Variants in CIPC observed in about 807,000 individuals in gnomAD.
CIPC encodes the protein CLOCK-interacting pacemaker.
In CIPC, 12 loss-of-function variants were observed where a neutral mutation model predicts 26.7. The ratio of observed to expected loss-of-function variants is 0.45; its 90% CI spans 0.29 to 0.73. The LOEUF is 0.73. Ranked by LOEUF, CIPC falls within the 30% of genes least tolerant of loss-of-function variation. CIPC has a pLI of 0.12. For synonymous variants in CIPC, 170 were observed against 189.8 expected (o/e 0.90, Z 0.86); for missense variants, 417 against 486.5 (o/e 0.86, Z 1.34).
In CIPC at chr14:77,113,922, A is replaced by G; in HGVS notation, c.804A>G (p.Ala268=). 1 of 1,614,184 alleles carries G rather than the reference A, an allele frequency of 6.2e-7. No homozygotes were observed. The highest frequency in any genetic ancestry group is 8.5e-7 in the Non-Finnish European group (1 of 1,180,040). Residue 268 remains alanine (A), a synonymous_variant, in exon 4 of 4, where the codon GCA becomes GCG. Coordinates refer to ENST00000361786, the MANE Select transcript of CIPC (RefSeq NM_033426.3). ...CTTCCCCCGCCAGTCCTGTCTGCGC[A>G]TCAGACAGCACTCTCCATGGGTTAG... ...TFASPASPVC[A]SDSTLHGLES...
At chr14:77,108,390 G>A (rs541495800) in intron 2 of CIPC, among the ~76,000 whole-genome samples, 30 of 152,170 alleles carry the variant, frequency 2.0e-4, no homozygotes, top group Admixed American at 4.6e-4. Context: ...TTACATTGGC[G>A]GTTTAAAAGT....
rs879428186 is a variant in CIPC, at chr14:77,107,626, TTACAC to T, written c.136+1783_136+1787del. On this transcript the variant is annotated intron_variant, in intron 2 of 3. Coordinates refer to ENST00000361786, the MANE Select transcript of CIPC (RefSeq NM_033426.3). The stretch of plus-strand genomic sequence containing the variant: ...ATATGCTTTCTCTCTCTCGCTCTCT[TTACAC>T]ACACACACACACACACACACACACA... Among the ~76,000 whole-genome samples, 50 of 93,850 alleles carry T rather than the reference TTACAC, an allele frequency of 5.3e-4. 1 individual carries two copies. Among genetic ancestry groups the T allele is most frequent in the African/African-American group, 1.7e-3 (46 of 26,438 alleles). The allele number at this position is 93,850 out of a possible 152,430, so 61.6% of individuals were successfully genotyped here.
Position 77,116,643 on chromosome 14 carries a change from T to C in CIPC, c.*2325T>C, listed in dbSNP as rs1886817738. The stretch of plus-strand genomic sequence containing the variant: ...AGAAGCAGCACCACTCTCAGCTCTT[T>C]TCTAATCTTGTAACTTAGTGCTAGA... On this transcript the variant is annotated 3_prime_UTR_variant, in exon 4 of 4. Transcript: ENST00000361786. 6.6e-6 allele frequency: 1 copy of C among 152,230 alleles called. No homozygotes were observed. Among genetic ancestry groups the C allele is most frequent in the Non-Finnish European group, 1.5e-5 (1 of 68,044 alleles). 9.4% of individuals were successfully genotyped at this position (152,230 alleles called of 1,614,324 possible). A position where few individuals can be genotyped will look rare whatever the true frequency, so the allele number is the denominator to read the frequency against.
chr14:77,109,896 G>C lies in CIPC; in HGVS notation c.221G>C (p.Arg74Thr). The C allele has an allele frequency of 6.2e-7, 1 of 1,614,216 alleles. No individual in the cohort carries two copies. The highest frequency in any genetic ancestry group is 8.5e-7 in the Non-Finnish European group (1 of 1,180,032). Residue 74 changes from arginine (R) to threonine (T), a missense_variant, in exon 3 of 4, where the codon AGG (arginine) becomes ACG (threonine). Arg to Thr is a moderately conservative substitution (Grantham distance 71, BLOSUM62 -1). Coordinates refer to ENST00000361786, the MANE Select transcript of CIPC (RefSeq NM_033426.3). ...LSALGWSRED[R>T]PRQNSKTAKN... ...GCCTTAGGCTGGAGCAGAGAAGACA[G>C]GCCGAGGCAGAACTCCAAAACTGCA...
chr14:77,109,997 A>G lies in CIPC; in HGVS notation c.306+16A>G. 6.2e-7 allele frequency: 1 copy of G among 1,611,466 alleles called. No homozygotes were observed. Among genetic ancestry groups the G allele is most frequent in the East Asian group, 2.2e-5 (1 of 44,874 alleles). ...TGTCAAACAGGTGAGGAGGACTAAT[A>G]TCACCTAAAGTCTTTGCAAATAAAA... is the stretch of plus-strand genomic sequence containing the variant. On this transcript the variant is annotated intron_variant, in intron 3 of 3. Transcript: ENST00000361786.
chr14:77,105,213 C>T (rs1053054471), intron 1 of CIPC, among the ~76,000 whole-genome samples: 2 of 152,120 alleles, frequency 1.3e-5, no homozygotes, highest in Admixed American at 6.5e-5. Context: ...CAAATGTACA[C>T]GAGGAAAGCA....
chr14:77,105,410 A>T (rs17105325), intron 1 of CIPC, among the ~76,000 whole-genome samples: 4,487 of 152,316 alleles, frequency 0.029, 206 homozygotes, highest in African/African-American at 0.096. Context: ...TTACAAAGCG[A>T]ATGCTGAATG....
At position 77,110,036 on chromosome 14, in the gene CIPC, C is replaced by T. The variant is rs190464150; in HGVS notation, c.306+55C>T. 59 of 1,547,498 alleles carry T rather than the reference C, an allele frequency of 3.8e-5. 1 individual carries two copies. In the East Asian group the frequency reaches 7.9e-4, roughly 21 times the overall value. Reference sequence around the variant, plus strand: ...TTGCAAATAAAAATCTCTTAGCTTCCGTGTATAAAGGAAGAGATTTATATT... The same window carrying T: ...TTGCAAATAAAAATCTCTTAGCTTCTGTGTATAAAGGAAGAGATTTATATT... On this transcript the variant is annotated intron_variant, in intron 3 of 3. Coordinates refer to ENST00000361786, the MANE Select transcript of CIPC (RefSeq NM_033426.3).
intron 3 of CIPC, 35 bp from the exon 4 acceptor site, chr14:77,113,390 A>G (rs768651878): frequency 6.2e-7 from 1 of 1,611,314 alleles, no homozygotes; most frequent in South Asian, 1.1e-5. Flanking sequence ...TTCAGCAGTA[A>G]TGAGTAGTGT....
Position 77,117,174 on chromosome 14 carries a change from CT to C in CIPC, c.*2859del, listed in dbSNP as rs1886828038. ...TGAAGTGGTTTTTCAGCTATGAATT[CT>C]TTAGGGTAGAAATTTATTTAGCAAA... On this transcript the variant is annotated 3_prime_UTR_variant, in exon 4 of 4. Coordinates refer to ENST00000361786, the MANE Select transcript of CIPC (RefSeq NM_033426.3). 1 of 152,446 alleles carries C rather than the reference CT, an allele frequency of 6.6e-6. No individual in the cohort carries two copies. 9.4% of individuals were successfully genotyped at this position (152,446 alleles called of 1,614,324 possible). A position where few individuals can be genotyped will look rare whatever the true frequency, so the allele number is the denominator to read the frequency against.
At chr14:77,098,426 C>G (rs1886405063) in intron 1 of CIPC, 65 bp downstream of exon 1, 1 of 152,556 alleles carries the variant, frequency 6.6e-6, no homozygotes, top group African/African-American at 2.4e-5. Context: ...AGGGATTGGG[C>G]GAGGAGCGTG....
At chr14:77,112,757 C>T (rs1438454887) in intron 3 of CIPC, among the ~76,000 whole-genome samples, 2 of 151,842 alleles carry the variant, frequency 1.3e-5, no homozygotes, top group African/African-American at 4.8e-5. Context: ...GTCACTCAGG[C>T]TGGAGTGCAG....
intron 1 of CIPC, among the ~76,000 whole-genome samples, chr14:77,102,341 TG>T (rs1566803815): frequency 6.6e-6 from 1 of 152,186 alleles, no homozygotes; most frequent in Non-Finnish European, 1.5e-5. Context: ...CACTCCAGCC[TG>T]GGCGACAGAG....
rs576801760 is a variant in CIPC at position 77,101,788 on chromosome 14, A to C, written c.-53+3427A>C. Among the ~76,000 whole-genome samples, 7 of 152,260 alleles carry C rather than the reference A, an allele frequency of 4.6e-5. 2 individuals carry two copies. The highest frequency in any genetic ancestry group is 1.7e-4 in the African/African-American group (7 of 41,538). ...CGGCTGTGTAGAAATATGATTGGAC[A>C]AAAAGGGTATGATCTGGCTGGGCAT... On this transcript the variant is annotated intron_variant, in intron 1 of 3. Transcript: ENST00000361786.
At chr14:77,104,106 A>G (rs868825642) in intron 1 of CIPC, among the ~76,000 whole-genome samples, 39 of 152,170 alleles carry the variant, frequency 2.6e-4, no homozygotes, top group Middle Eastern at 3.2e-3. Context: ...TACACTTGTA[A>G]TCCCAGCACT....
chr14:77,114,345 G>C lies in CIPC; in HGVS notation c.*27G>C, dbSNP rs1479333233. On this transcript the variant is annotated 3_prime_UTR_variant, in exon 4 of 4. Coordinates refer to ENST00000361786, the MANE Select transcript of CIPC (RefSeq NM_033426.3). Reference sequence around the variant, plus strand: ...ACAGAGGCATATTTTCCTGTTACTTGAGTGGTTCTTTTAGCTCATTTGCTG... The same window carrying C: ...ACAGAGGCATATTTTCCTGTTACTTCAGTGGTTCTTTTAGCTCATTTGCTG... The C allele has an allele frequency of 1.3e-6, 2 of 1,557,958 alleles. No homozygotes were observed. The highest frequency in any genetic ancestry group is 2.4e-5 in the South Asian group (2 of 82,724).
At chr14:77,110,645 C>G (rs1381113120) in intron 3 of CIPC, among the ~76,000 whole-genome samples, 1 of 152,088 alleles carries the variant, frequency 6.6e-6, no homozygotes, top group Non-Finnish European at 1.5e-5. Context: ...AAGTTAAGCT[C>G]TAGTGTTTGA....
rs1002875250 is a variant in CIPC at position 77,115,651 on chromosome 14, A to G, written c.*1333A>G. ...CTTGAAAATCTTTGTTCTTTACAAA[A>G]TTATCTTAATAAGTTCTATATGGTC... On this transcript the variant is annotated 3_prime_UTR_variant, in exon 4 of 4. Transcript: ENST00000361786. The G allele has an allele frequency of 1.8e-4, 27 of 150,826 alleles. No homozygotes were observed. Among genetic ancestry groups the G allele is most frequent in the Admixed American group, 1.5e-3 (23 of 15,162 alleles). The allele number at this position is 150,826 out of a possible 1,614,324, so 9.3% of individuals were successfully genotyped here.
At position 77,116,673 on chromosome 14, in the gene CIPC, T is replaced by C. The variant is rs1886817997; in HGVS notation, c.*2355T>C. On this transcript the variant is annotated 3_prime_UTR_variant, in exon 4 of 4. Transcript: ENST00000361786. ...ATCTTGTAACTTAGTGCTAGAAGTC[T>C]CTCCAGGCTATTACCATGGGCATTT... 6.6e-6 allele frequency: 1 copy of C among 152,176 alleles called. No homozygotes were observed. The highest frequency in any genetic ancestry group is 6.5e-5 in the Admixed American group (1 of 15,278). 9.4% of individuals were successfully genotyped at this position (152,176 alleles called of 1,614,324 possible). A position where few individuals can be genotyped will look rare whatever the true frequency, so the allele number is the denominator to read the frequency against.
Sources: allele counts gnomAD v4.1 joint callset (sites outside exome capture counted in the v4.1 genomes callset), GRCh38; gene constraint gnomAD v4.1.1; transcripts MANE v1.5; gene names NCBI Gene and HGNC (gene_info 2026-07-23, HGNC 2026-07-21).